Variants in MIA2 observed in about 807,000 individuals in gnomAD.
The protein encoded by MIA2 is MIA SH3 domain ER export factor 2.
In MIA2, 127 loss-of-function variants were observed where a neutral mutation model predicts 167.8. That is an observed-to-expected ratio of 0.76 (90% confidence interval 0.66 to 0.88). The LOEUF is 0.88. Among genes scored for constraint, MIA2 ranks in the 40% least tolerant of loss-of-function variants. The pLI is 0.00. For synonymous variants in MIA2, 552 were observed against 541.9 expected, an observed-to-expected ratio of 1.02 and a Z score of -0.26; for missense variants, 1,690 against 1,624.7, an observed-to-expected ratio of 1.04 and a Z score of -0.69.
chr14:39,262,788 G>T (rs1257056867), intron 6 of MIA2, among the ~76,000 whole-genome samples: 1 of 152,110 alleles, frequency 6.6e-6, no homozygotes. Context: ...TTGTGAATGG[G>T]AGTTCACTCA....
At chr14:39,285,707 CG>C (rs1566731291) in intron 9 of MIA2, among the ~76,000 whole-genome samples, 10 of 96,240 alleles carry the variant, frequency 1.0e-4, no homozygotes, top group South Asian at 2.8e-4. Flanking sequence ...CGGGCGGAGA[CG>C]CTCCTCACTT....
intron 23 of MIA2, chr14:39,386,685 T>G: frequency 8.7e-7 from 1 of 1,149,906 alleles, no homozygotes; most frequent in South Asian, 1.2e-5. Flanking sequence ...CTCATTATTG[T>G]TATTGTTTTC....
At chr14:39,381,352 C>A (rs2139363764) in intron 23 of MIA2, among the ~76,000 whole-genome samples, 1 of 152,310 alleles carries the variant, frequency 6.6e-6, no homozygotes, top group East Asian at 1.9e-4. Flanking sequence ...AATACACACA[C>A]ACACATCTTG....
rs142049627 is a variant in MIA2 at position 39,247,963 on chromosome 14, T to A, written c.1389T>A (p.Asn463Lys). The A allele has an allele frequency of 3.7e-5, 59 of 1,597,416 alleles. No homozygotes were observed. Among genetic ancestry groups the A allele is most frequent in the Admixed American group, 3.6e-4 (20 of 54,868 alleles). The change falls in exon 4 of 29, where the codon AAT (asparagine) becomes AAA (lysine). Residue 463 changes from asparagine (N) to lysine (K), a missense_variant. Asn to Lys is a moderately conservative substitution (Grantham distance 94). Coordinates refer to ENST00000640607, the MANE Select transcript of MIA2 (RefSeq NM_001329214.4). The part of the protein sequence containing the change: ...TIPYLKKFLY[N>K]FDNPWNFQNI... ...CATATTTGAAAAAGTTCTTGTATAA[T>A]TTTGACAACCCTTGGAACTTCCAGA...
rs1170740232 is a variant in MIA2 at position 39,306,636 on chromosome 14, G to T, written c.2879-1813G>T. Among the ~76,000 whole-genome samples the T allele has an allele frequency of 2.0e-5, 3 of 152,040 alleles. No homozygotes were observed. In the East Asian group the frequency reaches 5.8e-4, roughly 29 times the overall value. On this transcript the variant is annotated intron_variant, in intron 17 of 28. Coordinates refer to ENST00000640607, the MANE Select transcript of MIA2 (RefSeq NM_001329214.4). The stretch of plus-strand genomic sequence containing the variant: ...ACACAAAGCCAAACCATATCATGAG[G>T]GTTTTAGAATAATTAAATACCATTA...
chr14:39,288,459 A>ATTTTTTTTT lies in MIA2; in HGVS notation c.2131-2559_2131-2558insTTTTTTTTT, dbSNP rs1566747774. Among the ~76,000 whole-genome samples, 16 of 17,286 alleles carry ATTTTTTTTT rather than the reference A, an allele frequency of 9.3e-4. 4 individuals are homozygous for ATTTTTTTTT. The highest frequency in any genetic ancestry group is 2.2e-3 in the African/African-American group (16 of 7,142). 11.3% of individuals were successfully genotyped at this position (17,286 alleles called of 152,430 possible). On this transcript the variant is annotated intron_variant, in intron 9 of 28. Transcript: ENST00000640607. ...TATATATATATATATATATATATATATATATATATATATATATTTTTTTTT... is the reference window on the plus strand; with the variant it reads ...TATATATATATATATATATATATATATTTTTTTTTTATATATATATATATATTTTTTTTT...
chr14:39,285,324 C>G (rs1317984843), intron 9 of MIA2, among the ~76,000 whole-genome samples: 1 of 151,960 alleles, frequency 6.6e-6, no homozygotes, highest in East Asian at 1.9e-4. Flanking sequence ...CCAGAAGGGG[C>G]AGCCGGGCAG....
intron 25 of MIA2, among the ~76,000 whole-genome samples, chr14:39,334,029 TATG>T (rs2069627634): frequency 6.6e-6 from 1 of 152,196 alleles, no homozygotes. Flanking sequence ...TTCCAAAATT[TATG>T]ATGAGTGAGA....
intron 13 of MIA2, among the ~76,000 whole-genome samples, chr14:39,295,450 CTCCTTT>C (rs2061296756): frequency 1.3e-5 from 2 of 152,162 alleles, no homozygotes; most frequent in Non-Finnish European, 2.9e-5. Flanking sequence ...ATTTCTTCTT[CTCCTTT>C]GCCAATGTAA....
chr14:39,357,536 C>A (rs1449290219), intron 23 of MIA2, among the ~76,000 whole-genome samples: 2 of 152,142 alleles, frequency 1.3e-5, no homozygotes, highest in Non-Finnish European at 2.9e-5. Context: ...TTAATTGGAG[C>A]ATTTAGCCCA....
At chr14:39,284,758 T>A (rs139612161) in intron 9 of MIA2, among the ~76,000 whole-genome samples, 1,586 of 151,324 alleles carry the variant, frequency 0.01, 41 homozygotes, top group African/African-American at 0.036. Context: ...TTCTTTTTTT[T>A]ATTTTTTTTT....
At chr14:39,360,994 GT>G (rs1232938857) in intron 23 of MIA2, among the ~76,000 whole-genome samples, 3 of 152,126 alleles carry the variant, frequency 2.0e-5, no homozygotes, top group African/African-American at 7.2e-5. Context: ...TCTCTACTCT[GT>G]TTTATTGGTC....
At position 39,252,888 on chromosome 14, in the gene MIA2, G is replaced by A; in HGVS notation, c.1708G>A (p.Val570Met). 1 of 1,613,994 alleles carries A rather than the reference G, an allele frequency of 6.2e-7. No individual in the cohort carries two copies. Among genetic ancestry groups the A allele is most frequent in the Non-Finnish European group, 8.5e-7 (1 of 1,179,950 alleles). The part of the protein sequence containing the change: ...GPALVEIDRS[V>M]ENTLLNSQMV... ...TGCTCTGGTGGAGATAGACAGATCT[G>A]TGGAAAATACCCTGCTAAATAGTCA... The change falls in exon 5 of 29, where the codon GTG becomes ATG. Residue 570 changes from valine (V) to methionine (M), a missense_variant. Coordinates refer to ENST00000640607, the MANE Select transcript of MIA2 (RefSeq NM_001329214.4).
intron 25 of MIA2, among the ~76,000 whole-genome samples, chr14:39,340,051 C>T (rs1413839778): frequency 6.6e-6 from 1 of 152,126 alleles, no homozygotes. Context: ...CTATGTTGCC[C>T]AGGCAGGTTT....
At chr14:39,315,747 T>C (rs778671631) in intron 21 of MIA2, 29 bp downstream of exon 21, 2 of 1,454,190 alleles carry the variant, frequency 1.4e-6, no homozygotes, top group Non-Finnish European at 1.9e-6. Flanking sequence ...TAAGTCTCTT[T>C]TGTCAAATTG....
At chr14:39,361,140 G>A (rs1257992506) in intron 23 of MIA2, among the ~76,000 whole-genome samples, 1 of 151,952 alleles carries the variant, frequency 6.6e-6, no homozygotes, top group East Asian at 1.9e-4. Flanking sequence ...GCTCTTCTTT[G>A]GTTTCATATG....
Position 39,294,964 on chromosome 14 carries a change from C to T in MIA2, c.2431C>T (p.Arg811Ter), listed in dbSNP as rs778098733. Residue 811 changes from arginine to a stop codon, truncating the protein, a stop_gained, in exon 13 of 29, where the codon CGA becomes TGA. Transcript: ENST00000640607. LOFTEE classifies it high-confidence loss of function. ...TFKIFQMNEE[R>*]LKIAIKDALN... ...CAAGATATTTCAAATGAATGAAGAA[C>T]GACTGAAGATAGCAATAAAAGATGC... 10 of 1,613,452 alleles carry T rather than the reference C, an allele frequency of 6.2e-6. No individual in the cohort carries two copies. Among genetic ancestry groups the T allele is most frequent in the South Asian group, 2.2e-5 (2 of 90,992 alleles).
intron 23 of MIA2, among the ~76,000 whole-genome samples, chr14:39,384,348 G>C (rs576809308): frequency 3.8e-4 from 58 of 152,184 alleles, no homozygotes; most frequent in Middle Eastern, 6.8e-3. Context: ...TCAGAAAAAG[G>C]CTCCTTTTAA....
intron 9 of MIA2, among the ~76,000 whole-genome samples, chr14:39,290,684 ATAATC>A (rs1381899182): frequency 6.6e-6 from 1 of 152,178 alleles, no homozygotes; most frequent in African/African-American, 2.4e-5. Flanking sequence ...AAATCTTTGG[ATAATC>A]TTTAGTACAA....
Sources: allele counts gnomAD v4.1 joint callset (sites outside exome capture counted in the v4.1 genomes callset), GRCh38; gene constraint gnomAD v4.1.1; transcripts MANE v1.5; gene names NCBI Gene and HGNC (gene_info 2026-07-23, HGNC 2026-07-21).